The following RABEP1 variants were observed in gnomAD, a reference collection of about 807,000 sequenced individuals.
RABEP1 encodes rabaptin, RAB GTPase binding effector protein 1, also known as rab GTPase-binding effector protein 1.
Under a neutral mutation model 123.4 loss-of-function variants are expected in RABEP1, and 51 were observed. The ratio of observed to expected loss-of-function variants is 0.41; its 90% CI spans 0.33 to 0.52. The LOEUF is 0.52. Ranked by LOEUF, RABEP1 falls within the 20% of genes least tolerant of loss-of-function variation. The probability of loss-of-function intolerance (pLI) is 0.16; values close to 1 mark genes in which losing one functional copy is unlikely to be tolerated. For synonymous variants in RABEP1, 347 were observed against 355.2 expected (o/e 0.98, Z 0.26); for missense variants, 888 against 996.3 (o/e 0.89, Z 1.46).
At chr17:5,370,965 C>CTTTTTTT in intron 12 of RABEP1, among the ~76,000 whole-genome samples, 1 of 144,742 alleles carries the variant, frequency 6.9e-6, no homozygotes, top group South Asian at 2.2e-4. Flanking sequence ...ATTTGTTTCT[C>CTTTTTTT]TTTTTTTTTT....
intron 11 of RABEP1, among the ~76,000 whole-genome samples, chr17:5,367,347 C>G (rs1172941312): frequency 2.0e-5 from 3 of 151,834 alleles, no homozygotes; most frequent in Non-Finnish European, 4.4e-5. Flanking sequence ...TCTTGGCTCA[C>G]TGCAACGTCT....
At chr17:5,299,379 GTT>G (rs796302510) in intron 1 of RABEP1, among the ~76,000 whole-genome samples, 8 of 135,954 alleles carry the variant, frequency 5.9e-5, no homozygotes, top group Non-Finnish European at 8.0e-5. Flanking sequence ...TGTGTAGCAG[GTT>G]TTTTTTTTTT....
chr17:5,347,450 C>A (rs1196282384), intron 6 of RABEP1, among the ~76,000 whole-genome samples: 3 of 134,940 alleles, frequency 2.2e-5, no homozygotes, highest in African/African-American at 5.3e-5. Context: ...AACAAACAAA[C>A]AAAACATCAC....
At chr17:5,336,463 T>TA in intron 4 of RABEP1, 1 of 470,772 alleles carries the variant, frequency 2.1e-6, no homozygotes, top group Non-Finnish European at 4.2e-6. Flanking sequence ...AGTTTTTACC[T>TA]AATGTCCTTT....
chr17:5,383,523 C>G lies in RABEP1; in HGVS notation c.*300C>G, dbSNP rs141536554. The stretch of plus-strand genomic sequence containing the variant: ...GTTTCCTTGCCTGCTTTCTCCAAGA[C>G]AGATTTTCGGAACACATTTCCCTAC... On this transcript the variant is annotated 3_prime_UTR_variant, in exon 18 of 18. Transcript: ENST00000537505. The G allele has an allele frequency of 8.2e-5, 30 of 365,556 alleles. No homozygotes were observed. The East Asian group carries it at 1.3e-3, about 16-fold the overall frequency. The allele number at this position is 365,556 out of a possible 1,614,324, so 22.6% of individuals were successfully genotyped here.
intron 1 of RABEP1, among the ~76,000 whole-genome samples, chr17:5,284,574 C>G (rs974425268): frequency 1.3e-5 from 2 of 151,886 alleles, no homozygotes; most frequent in African/African-American, 4.8e-5. Flanking sequence ...CAAAGCAATC[C>G]TGCTACCTCA....
At chr17:5,331,097 A>G (rs1231855368) in intron 2 of RABEP1, among the ~76,000 whole-genome samples, 1 of 148,708 alleles carries the variant, frequency 6.7e-6, no homozygotes, top group African/African-American at 2.5e-5. Flanking sequence ...TTGTAAGAGA[A>G]GACAGACTTA....
intron 1 of RABEP1, among the ~76,000 whole-genome samples, chr17:5,303,543 A>G (rs531994114): frequency 3.3e-5 from 5 of 152,264 alleles, no homozygotes; most frequent in East Asian, 1.9e-4. Flanking sequence ...TGCCTGTCCA[A>G]TAGTTTTATT....
At position 5,331,925 on chromosome 17, in the gene RABEP1, ACTAT is replaced by A. The variant is rs774078742; in HGVS notation, c.164-21_164-18del. On this transcript the variant is annotated intron_variant, in intron 2 of 17. Coordinates refer to ENST00000537505, the MANE Select transcript of RABEP1 (RefSeq NM_004703.6). ...GTCTGATCAAAGTGAACATTAATGG[ACTAT>A]CTTTTACTTTTCTCTCCAGAGGATC... 6.2e-7 allele frequency: 1 copy of A among 1,601,880 alleles called. No homozygotes were observed. The highest frequency in any genetic ancestry group is 1.3e-5 in the African/African-American group (1 of 74,760).
intron 3 of RABEP1, 95 bp from the exon 4 acceptor site, chr17:5,335,089 A>G: frequency 9.8e-7 from 1 of 1,023,796 alleles, no homozygotes; most frequent in Non-Finnish European, 1.4e-6. Flanking sequence ...CAGAAATTAG[A>G]CGTAAGCTTT....
chr17:5,282,660 G>C (rs983748849), intron 1 of RABEP1, 140 bp downstream of exon 1: 1 of 428,298 alleles, frequency 2.3e-6, no homozygotes, highest in Non-Finnish European at 3.1e-6. Flanking sequence ...GCGGGGGCGC[G>C]CGGGCTGCGG....
At chr17:5,288,813 C>T (rs546406495) in intron 1 of RABEP1, among the ~76,000 whole-genome samples, 38 of 152,262 alleles carry the variant, frequency 2.5e-4, no homozygotes, top group South Asian at 1.9e-3. Context: ...AGGCGATTCT[C>T]GTGCCTCAGC....
intron 2 of RABEP1, among the ~76,000 whole-genome samples, chr17:5,311,999 T>A (rs1007734398): frequency 6.6e-6 from 1 of 152,258 alleles, no homozygotes; most frequent in Non-Finnish European, 1.5e-5. Context: ...TACATAGTTC[T>A]TTAGCATCAA....
intron 1 of RABEP1, among the ~76,000 whole-genome samples, chr17:5,294,950 G>T (rs188902452): frequency 6.6e-6 from 1 of 151,546 alleles, no homozygotes; most frequent in Non-Finnish European, 1.5e-5. Context: ...CCGGCCAACG[G>T]TATTGTCTTT....
chr17:5,304,338 G>C (rs1210995651), intron 1 of RABEP1, among the ~76,000 whole-genome samples: 4 of 152,134 alleles, frequency 2.6e-5, no homozygotes, highest in Non-Finnish European at 4.4e-5. Flanking sequence ...CTAGCACTTT[G>C]GACGGCTGAG....
chr17:5,308,929 T>G lies in RABEP1; in HGVS notation c.163+107T>G, dbSNP rs544252620. 2.0e-5 allele frequency: 22 copies of G among 1,127,106 alleles called. No individual in the cohort carries two copies. The South Asian group carries it at 3.7e-4, about 19-fold the overall frequency. The allele number at this position is 1,127,106 out of a possible 1,614,324, so 69.8% of individuals were successfully genotyped here. A position where few individuals can be genotyped will look rare whatever the true frequency, so the allele number is the denominator to read the frequency against. On this transcript the variant is annotated intron_variant, in intron 2 of 17. Coordinates refer to ENST00000537505, the MANE Select transcript of RABEP1 (RefSeq NM_004703.6). ...TCATTGAATAAACCTTGATTTTATT[T>G]GTACTTGCATAATAAAAGAATACTG... is the stretch of plus-strand genomic sequence containing the variant.
chr17:5,282,737 C>G (rs1279938119), intron 1 of RABEP1, among the ~76,000 whole-genome samples: 1 of 148,316 alleles, frequency 6.7e-6, no homozygotes, highest in East Asian at 2.0e-4. Context: ...GCGGGTGCAG[C>G]GCTTGCGGGA....
intron 2 of RABEP1, among the ~76,000 whole-genome samples, chr17:5,309,588 C>T (rs1379751828): frequency 2.7e-5 from 4 of 148,664 alleles, no homozygotes; most frequent in East Asian, 2.0e-4. Context: ...AGGAGGCAGA[C>T]GTTGAGGTGA....
At chr17:5,287,193 G>A (rs1405293364) in intron 1 of RABEP1, among the ~76,000 whole-genome samples, 1 of 152,152 alleles carries the variant, frequency 6.6e-6, no homozygotes. Context: ...TTTTCACTAT[G>A]GGGAACCATT....
Sources: gnomAD v4.1 joint callset for allele counts (sites outside exome capture counted in the v4.1 genomes callset) on GRCh38, gnomAD v4.1.1 for gene constraint, MANE v1.5 for transcripts, NCBI Gene and HGNC (gene_info 2026-07-23, HGNC 2026-07-21) for gene names.